The following DYNC2H1 variants were observed in gnomAD, a reference collection of about 807,000 sequenced individuals.
DYNC2H1 encodes dynein cytoplasmic 2 heavy chain 1, also known as cytoplasmic dynein 2 heavy chain 1.
In DYNC2H1, 410 loss-of-function variants were observed where a neutral mutation model predicts 570.0. The ratio of observed to expected loss-of-function variants is 0.72; its 90% CI spans 0.66 to 0.78. DYNC2H1 has a LOEUF of 0.78. Ranked by LOEUF, DYNC2H1 falls within the 30% of genes least tolerant of loss-of-function variation. DYNC2H1 has a pLI of 0.00. For missense variants in DYNC2H1, 4,865 were observed against 5,046.4 expected (o/e 0.96, Z 1.09); for synonymous variants, 1,688 against 1,677.6 (o/e 1.01, Z -0.15).
chr11:103,422,056 A>G (rs908270019), intron 84 of DYNC2H1, among the ~76,000 whole-genome samples: 2 of 152,310 alleles, frequency 1.3e-5, no homozygotes, highest in South Asian at 2.1e-4. Context: ...ACAGAATACT[A>G]TAAACACGTC....
intron 60 of DYNC2H1, among the ~76,000 whole-genome samples, chr11:103,232,650 A>C (rs1213120532): frequency 6.6e-6 from 1 of 152,058 alleles, no homozygotes; most frequent in Non-Finnish European, 1.5e-5. Context: ...AAGGACTTGA[A>C]AAATAAGCAT....
Position 103,277,960 on chromosome 11 carries a change from A to T in DYNC2H1, c.10696-2388A>T, listed in dbSNP as rs1406373996. On this transcript the variant is annotated intron_variant, in intron 70 of 88. Transcript: ENST00000375735. The surrounding 1 kb of genome is among the most constrained non-coding windows in gnomAD (Gnocchi z 4.3). ...AGGGCCCAAGTTTTAGAAAGAAAGA[A>T]ATCTCATTGTTAATATTTCTCCTTA... Among the ~76,000 whole-genome samples the T allele has an allele frequency of 6.6e-6, 1 of 152,156 alleles. No individual in the cohort carries two copies. The highest frequency in any genetic ancestry group is 2.4e-5 in the African/African-American group (1 of 41,456).
chr11:103,345,606 C>T (rs1444575968), intron 82 of DYNC2H1, among the ~76,000 whole-genome samples: 1 of 152,058 alleles, frequency 6.6e-6, no homozygotes, highest in African/African-American at 2.4e-5. Flanking sequence ...TTCAGCCACT[C>T]CTGCTTTTTC....
chr11:103,137,396 T>C (rs913775155), intron 17 of DYNC2H1, among the ~76,000 whole-genome samples: 11 of 151,882 alleles, frequency 7.2e-5, no homozygotes, highest in African/African-American at 2.7e-4. Flanking sequence ...CTTGAATTAA[T>C]TTTTGTATAA....
At position 103,241,681 on chromosome 11, in the gene DYNC2H1, C is replaced by A; in HGVS notation, c.9820-2012C>A. 1.5e-6 allele frequency: 1 copy of A among 684,614 alleles called. No individual in the cohort carries two copies. The allele number at this position is 684,614 out of a possible 1,614,324, so 42.4% of individuals were successfully genotyped here. Reference sequence around the variant, plus strand: ...GGTGCAGCACCATGGTAACACTTCACAGGCTATTTACTAACCACATCATTG... The same window carrying A: ...GGTGCAGCACCATGGTAACACTTCAAAGGCTATTTACTAACCACATCATTG... On this transcript the variant is annotated intron_variant, in intron 63 of 88. Coordinates refer to ENST00000375735, the MANE Select transcript of DYNC2H1 (RefSeq NM_001377.3). The surrounding 1 kb of genome is among the most constrained non-coding windows in gnomAD (Gnocchi z 5.1).
chr11:103,333,798 T>A (rs564164998), intron 82 of DYNC2H1, among the ~76,000 whole-genome samples: 1 of 152,220 alleles, frequency 6.6e-6, no homozygotes, highest in Non-Finnish European at 1.5e-5. Context: ...TTTATCATCA[T>A]AATCATTTAA....
Position 103,446,233 on chromosome 11 carries a change from G to A in DYNC2H1, c.12457-8953G>A, listed in dbSNP as rs1265064154. 6.6e-6 allele frequency among the ~76,000 whole-genome samples: 1 copy of A among 152,160 alleles called. No individual in the cohort carries two copies. The highest frequency in any genetic ancestry group is 1.5e-5 in the Non-Finnish European group (1 of 68,026). ...GCAATTATCAGCATATCAACATAGT[G>A]TTTAAAACCATAGGAATGGCCAAGT... is the stretch of plus-strand genomic sequence containing the variant. On this transcript the variant is annotated intron_variant, in intron 85 of 88. Transcript: ENST00000375735. This position sits in a 1 kb window ranked among gnomAD's most constrained non-coding sequence, Gnocchi z 4.5.
At chr11:103,437,155 T>C (rs1363280459) in intron 85 of DYNC2H1, among the ~76,000 whole-genome samples, 2 of 152,170 alleles carry the variant, frequency 1.3e-5, no homozygotes, top group Non-Finnish European at 2.9e-5. Context: ...CCTTACGTTT[T>C]ACTTCATAGA....
At position 103,287,567 on chromosome 11, in the gene DYNC2H1, T is replaced by G; in HGVS notation, c.11057T>G (p.Leu3686Trp). 2 of 1,612,120 alleles carry G rather than the reference T, an allele frequency of 1.2e-6. No homozygotes were observed. The highest frequency in any genetic ancestry group is 1.1e-5 in the South Asian group (1 of 90,480). ...GTACAGGCGCTAAGACCGGACAGAT[T>G]GCAAAGTGCCATGGCTCTTTTTGCA... Reference protein sequence around the residue: ...LVVQALRPDRLQSAMALFACK... With the variant: ...LVVQALRPDRWQSAMALFACK... Residue 3686 changes from leucine (L) to tryptophan (W), a missense_variant, in exon 75 of 89, where the codon TTG becomes TGG. Around this residue, in one of 5 missense-constraint regions of DYNC2H1, gnomAD observed 2,401 missense variants for 2,454.6 expected, o/e 0.98. Transcript: ENST00000375735.
intron 13 of DYNC2H1, among the ~76,000 whole-genome samples, chr11:103,131,859 G>T (rs1859293021): frequency 6.6e-6 from 1 of 152,048 alleles, no homozygotes; most frequent in South Asian, 2.1e-4. Flanking sequence ...AGATTTCAAA[G>T]AATCTTTGTC....
rs937086473 is a variant in DYNC2H1 at position 103,334,717 on chromosome 11, A to G, written c.12039+10727A>G. Among the ~76,000 whole-genome samples the G allele has an allele frequency of 1.3e-5, 2 of 152,096 alleles. No individual in the cohort carries two copies. Among genetic ancestry groups the G allele is most frequent in the Non-Finnish European group, 2.9e-5 (2 of 67,964 alleles). ...CATTTAAATTTGAAAATGTTCTGGT[A>G]AGCAAATTTCTTAATAATTAAAGTA... On this transcript the variant is annotated intron_variant, in intron 82 of 88. Coordinates refer to ENST00000375735, the MANE Select transcript of DYNC2H1 (RefSeq NM_001377.3). The surrounding 1 kb of genome is among the most constrained non-coding windows in gnomAD (Gnocchi z 4.3).
Position 103,275,126 on chromosome 11 carries a change from T to G in DYNC2H1, c.10696-5222T>G, listed in dbSNP as rs1380982253. ...AATAAATAAATAAATAAAATAAAAT[T>G]TATCTATGTAATATTCATTGGCTAT... is the stretch of plus-strand genomic sequence containing the variant. On this transcript the variant is annotated intron_variant, in intron 70 of 88. Coordinates refer to ENST00000375735, the MANE Select transcript of DYNC2H1 (RefSeq NM_001377.3). The surrounding 1 kb of genome is among the most constrained non-coding windows in gnomAD (Gnocchi z 4.8). 4.6e-5 allele frequency among the ~76,000 whole-genome samples: 7 copies of G among 151,896 alleles called. No homozygotes were observed. Among genetic ancestry groups the G allele is most frequent in the Admixed American group, 2.6e-4 (4 of 15,264 alleles).
intron 84 of DYNC2H1, among the ~76,000 whole-genome samples, chr11:103,420,961 G>C (rs1385537196): frequency 6.6e-6 from 1 of 152,148 alleles, no homozygotes; most frequent in Admixed American, 6.5e-5. Flanking sequence ...AGGCCCATTG[G>C]TATGCTGTCC....
At chr11:103,182,847 A>G (rs1271231399) in intron 40 of DYNC2H1, among the ~76,000 whole-genome samples, 1 of 151,928 alleles carries the variant, frequency 6.6e-6, no homozygotes. Context: ...ATATAGAGAA[A>G]TGAAGATTTG....
chr11:103,377,959 C>T (rs1490794614), intron 83 of DYNC2H1, among the ~76,000 whole-genome samples: 4 of 152,178 alleles, frequency 2.6e-5, no homozygotes. Context: ...TGGTCTCGAA[C>T]TCCTGGCCTC....
intron 31 of DYNC2H1, among the ~76,000 whole-genome samples, chr11:103,167,702 C>G (rs528188385): frequency 6.6e-6 from 1 of 152,070 alleles, no homozygotes; most frequent in African/African-American, 2.4e-5. Context: ...TTGGATGATA[C>G]CATGGATATT....
intron 79 of DYNC2H1, 55 bp downstream of exon 79, chr11:103,312,088 A>C: frequency 6.4e-7 from 1 of 1,552,282 alleles, no homozygotes; most frequent in Non-Finnish European, 8.7e-7. Flanking sequence ...TGTATGTTAA[A>C]ATATTTTTGT....
At chr11:103,312,380 CAAAAAAA>C (rs775259300) in intron 79 of DYNC2H1, among the ~76,000 whole-genome samples, 1 of 48,122 alleles carries the variant, frequency 2.1e-5, no homozygotes, top group Admixed American at 2.1e-4. Context: ...AACTCCATCT[CAAAAAAA>C]AAAAAAAAAA....
rs1202024555 is a variant in DYNC2H1 at position 103,299,877 on chromosome 11, T to C, written c.11096-3216T>C. Among the ~76,000 whole-genome samples the C allele has an allele frequency of 1.3e-5, 2 of 152,116 alleles. No homozygotes were observed. Among genetic ancestry groups the C allele is most frequent in the African/African-American group, 4.8e-5 (2 of 41,440 alleles). On this transcript the variant is annotated intron_variant, in intron 75 of 88. Coordinates refer to ENST00000375735, the MANE Select transcript of DYNC2H1 (RefSeq NM_001377.3). This position sits in a 1 kb window ranked among gnomAD's most constrained non-coding sequence, Gnocchi z 4.5. ...GCCTACCACAATATATTTGACATTT[T>C]TACTTGTTTCTAGGGTTCAGTACTA...
Sources: gnomAD v4.1 joint callset for allele counts (sites outside exome capture counted in the v4.1 genomes callset) on GRCh38, gnomAD v4.1.1 for gene constraint, gnomAD v4.1.1 regional missense constraint, Gnocchi (gnomAD v3.1) non-coding constraint, MANE v1.5 for transcripts, NCBI Gene and HGNC (gene_info 2026-07-23, HGNC 2026-07-21) for gene names.